PLXNB2: variants seen among roughly 807,000 people sequenced by gnomAD.
The protein encoded by PLXNB2 is plexin-B2.
In PLXNB2, 85 loss-of-function variants were observed where a neutral mutation model predicts 202.6. The ratio of observed to expected loss-of-function variants is 0.42; its 90% CI spans 0.35 to 0.50. The LOEUF (loss-of-function observed/expected upper bound fraction) is 0.50, where lower values mean the gene tolerates loss of function less well. Among genes scored for constraint, PLXNB2 ranks in the 20% least tolerant of loss-of-function variants. The pLI is 0.02. For synonymous variants in PLXNB2, 1,239 were observed against 1,137.6 expected (o/e 1.09, Z -1.79); for missense variants, 2,063 against 2,586.2 (o/e 0.80, Z 4.39).
rs1416634207 is a variant in PLXNB2 at position 50,275,444 on chromosome 22, C to T, written c.*260G>A. 4.9e-6 allele frequency: 3 copies of T among 608,922 alleles called. No individual in the cohort carries two copies. The highest frequency in any genetic ancestry group is 2.1e-5 in the Admixed American group (1 of 46,728). The allele number at this position is 608,922 out of a possible 1,614,324, so 37.7% of individuals were successfully genotyped here. On this transcript the variant is annotated 3_prime_UTR_variant, in exon 37 of 37. Coordinates refer to ENST00000359337, the MANE Select transcript of PLXNB2 (RefSeq NM_012401.4). ...GCACATTTTCAAATCACTGGAGACT[C>T]GACAGTGAACACCCGATGCTGGTTC...
At chr22:50,293,577 G>A (rs1483772379) in intron 2 of PLXNB2, among the ~76,000 whole-genome samples, 1 of 152,232 alleles carries the variant, frequency 6.6e-6, no homozygotes, top group African/African-American at 2.4e-5. Flanking sequence ...TCAGCCAGGC[G>A]CAGCTCCCGG....
At chr22:50,279,113 A>G in intron 27 of PLXNB2, 102 bp from the exon 28 acceptor site, 1 of 1,288,814 alleles carries the variant, frequency 7.8e-7, no homozygotes, top group Non-Finnish European at 1.1e-6. Flanking sequence ...CCACAGCGGC[A>G]CCCTTGGGCA....
intron 22 of PLXNB2, 59 bp from the exon 23 acceptor site, chr22:50,281,248 T>G (rs988655345): frequency 1.6e-5 from 25 of 1,537,880 alleles, no homozygotes; most frequent in Non-Finnish European, 2.2e-5. Context: ...GCTGCCCGGA[T>G]GAGGAGGTGG....
intron 2 of PLXNB2, among the ~76,000 whole-genome samples, chr22:50,294,175 T>C (rs553604655): frequency 1.2e-3 from 181 of 152,366 alleles, no homozygotes; most frequent in African/African-American, 3.9e-3. Flanking sequence ...ACTTCCTGTT[T>C]TGAAGCCCTC....
intron 1 of PLXNB2, among the ~76,000 whole-genome samples, chr22:50,304,060 G>A (rs1659763928): frequency 6.6e-6 from 1 of 152,318 alleles, no homozygotes; most frequent in Non-Finnish European, 1.5e-5. Flanking sequence ...CAACCATAGC[G>A]GGCCACGGTG....
rs772060808 is a variant in PLXNB2 at position 50,284,618 on chromosome 22, C to T, written c.2136G>A (p.Pro712=). ...VGSDLLKFME[P]VTMQESGTFA... ...AGGTCCCAGATTCCTGCATGGTCACCGGCTCCATGAACTTGAGCAAGTCAC... is the reference window on the plus strand; with the variant it reads ...AGGTCCCAGATTCCTGCATGGTCACTGGCTCCATGAACTTGAGCAAGTCAC... The change falls in exon 12 of 37, where the codon CCG becomes CCA. Residue 712 remains proline, a synonymous_variant. Coordinates refer to ENST00000359337, the MANE Select transcript of PLXNB2 (RefSeq NM_012401.4). This position sits in a 1 kb window ranked among gnomAD's most constrained non-coding sequence, Gnocchi z 8.0. The T allele has an allele frequency of 1.5e-5, 24 of 1,612,632 alleles. No individual in the cohort carries two copies. Among genetic ancestry groups the T allele is most frequent in the Middle Eastern group, 1.7e-4 (1 of 6,058 alleles).
rs1259523188 is a variant in PLXNB2, at chr22:50,280,614, G to A, written c.4050C>T (p.Phe1350=). 23 of 1,612,594 alleles carry A rather than the reference G, an allele frequency of 1.4e-5. No individual in the cohort carries two copies. The highest frequency in any genetic ancestry group is 2.2e-5 in the East Asian group (1 of 44,890). Residue 1350 remains phenylalanine (F), a synonymous_variant, in exon 25 of 37, where the codon TTC becomes TTT. Transcript: ENST00000359337. ...REFSARAKVY[F]ASLLTVALHG... is the part of the protein sequence containing the mutation. The stretch of plus-strand genomic sequence containing the variant: ...GCAGCGCCACCGTCAGCAGGGACGC[G>A]AAGTAGACCTTGGCGCGGGCCGAGA...
At position 50,275,937 on chromosome 22, in the gene PLXNB2, G is replaced by C. The variant is rs766637848; in HGVS notation, c.5364C>G (p.Leu1788=). 5.0e-6 allele frequency: 8 copies of C among 1,612,642 alleles called. No individual in the cohort carries two copies. The highest frequency in any genetic ancestry group is 6.8e-6 in the Non-Finnish European group (8 of 1,179,860). Residue 1788 remains leucine, a synonymous_variant, in exon 36 of 37, where the codon CTC becomes CTG. Coordinates refer to ENST00000359337, the MANE Select transcript of PLXNB2 (RefSeq NM_012401.4). Reference sequence around the variant, plus strand: ...ATTGGTAGAGCTGGTGGAGTGCCACGAGGGTGTTCAAGGAGTCCGTGTGCG... The same window carrying C: ...ATTGGTAGAGCTGGTGGAGTGCCACCAGGGTGTTCAAGGAGTCCGTGTGCG... ...SRAHTDSLNT[L]VALHQLYQYT... is the part of the protein sequence containing the mutation.
chr22:50,287,088 G>A (rs780315496), intron 8 of PLXNB2, 23 bp downstream of exon 8: 67 of 1,478,100 alleles, frequency 4.5e-5, no homozygotes, highest in South Asian at 3.8e-4. Context: ...AGGGCCACCC[G>A]GGGGCTCGGG....
In PLXNB2 at chr22:50,283,737, G is replaced by A. The variant is rs772065446; in HGVS notation, c.2435C>T (p.Thr812Met). Residue 812 changes from threonine to methionine, a missense_variant, in exon 15 of 37, where the codon ACG becomes ATG. Around this residue, in one of 2 missense-constraint regions of PLXNB2, gnomAD observed 1,303 missense variants for 1,476.8 expected, o/e 0.88. Coordinates refer to ENST00000359337, the MANE Select transcript of PLXNB2 (RefSeq NM_012401.4). ...GCGGATGCCCCCACCCAGGGGGCCC[G>A]TCTCAGGCTGGATCTGAAACCACAG... ...PPVITRIQPE[T>M]GPLGGGIRIT... 18 of 1,613,128 alleles carry A rather than the reference G, an allele frequency of 1.1e-5. No homozygotes were observed. Among genetic ancestry groups the A allele is most frequent in the East Asian group, 6.7e-5 (3 of 44,876 alleles).
At chr22:50,294,387 C>A (rs1390599850) in intron 2 of PLXNB2, among the ~76,000 whole-genome samples, 3 of 151,682 alleles carry the variant, frequency 2.0e-5, no homozygotes, top group Non-Finnish European at 4.4e-5. Context: ...CAGGCACCCC[C>A]CCACCACACC....
intron 2 of PLXNB2, among the ~76,000 whole-genome samples, chr22:50,293,791 C>T (rs2067064059): frequency 1.3e-5 from 2 of 152,210 alleles, no homozygotes; most frequent in Admixed American, 1.3e-4. Context: ...AGGGAAGACA[C>T]TCACCCACCC....
At chr22:50,298,944 C>G (rs925565059) in intron 1 of PLXNB2, among the ~76,000 whole-genome samples, 6 of 152,260 alleles carry the variant, frequency 3.9e-5, no homozygotes, top group African/African-American at 1.4e-4. Flanking sequence ...CCACACCCAG[C>G]CAGACTGACC....
intron 2 of PLXNB2, among the ~76,000 whole-genome samples, chr22:50,290,948 G>A (rs2066827338): frequency 6.6e-6 from 1 of 152,162 alleles, no homozygotes; most frequent in South Asian, 2.1e-4. Context: ...TCACATTCAT[G>A]CCCCCTGACC....
intron 1 of PLXNB2, among the ~76,000 whole-genome samples, chr22:50,296,231 A>ACACACAC (rs1420758828): frequency 1.6e-5 from 1 of 63,588 alleles, no homozygotes; most frequent in Non-Finnish European, 3.4e-5. Flanking sequence ...CACACACACA[A>ACACACAC]TAAAAAAGTT....
intron 8 of PLXNB2, 71 bp from the exon 9 acceptor site, chr22:50,286,358 G>GAGTCAGCCCCAGGGGA: frequency 4.5e-6 from 5 of 1,113,482 alleles, no homozygotes; most frequent in Non-Finnish European, 6.8e-6. Context: ...GCCTCCCCTG[G>GAGTCAGCCCCAGGGGA]GGCTGACTCC....
In PLXNB2 at chr22:50,275,491, C is replaced by A; in HGVS notation, c.*213G>T. The A allele has an allele frequency of 1.5e-6, 1 of 669,758 alleles. No individual in the cohort carries two copies. Among genetic ancestry groups the A allele is most frequent in the South Asian group, 1.5e-5 (1 of 66,038 alleles). The allele number at this position is 669,758 out of a possible 1,614,324, so 41.5% of individuals were successfully genotyped here. A position where few individuals can be genotyped will look rare whatever the true frequency, so the allele number is the denominator to read the frequency against. ...GTTCTGCGGCCGGAGGGAGCTGGGGCTGGGGCTGGTGCTGGTGCGGTGCCC... is the reference window on the plus strand; with the variant it reads ...GTTCTGCGGCCGGAGGGAGCTGGGGATGGGGCTGGTGCTGGTGCGGTGCCC... On this transcript the variant is annotated 3_prime_UTR_variant, in exon 37 of 37. Transcript: ENST00000359337.
In PLXNB2 at chr22:50,289,664, G is replaced by A. The variant is rs372538418; in HGVS notation, c.921C>T (p.Pro307=). ...GCGGGAACAGGCAGAGGCCCGCACC[G>A]GGCCCCCCACTGCTCCGGCTGTCTC... ...FSRDSRSSGG[P]GAGLCLFPLD... Residue 307 remains proline, a synonymous_variant, in exon 3 of 37, where the codon CCC becomes CCT. Transcript: ENST00000359337. The surrounding 1 kb of genome is among the most constrained non-coding windows in gnomAD (Gnocchi z 8.0). 37 of 1,609,710 alleles carry A rather than the reference G, an allele frequency of 2.3e-5. No individual in the cohort carries two copies. The highest frequency in any genetic ancestry group is 4.5e-5 in the East Asian group (2 of 44,896).
rs776823804 is a variant in PLXNB2, at chr22:50,280,552, G to A, written c.4112C>T (p.Thr1371Met). ...CTGCTCCAGGAGCTCCAGGAAGAGC[G>A]TGTGCATGATGTCCGTGTAGTACTC... ...KLEYYTDIMH[T>M]LFLELLEQYV... is the part of the protein sequence containing the mutation. Residue 1371 changes from threonine to methionine, a missense_variant, in exon 25 of 37, where the codon ACG (threonine) becomes ATG (methionine). Around this residue, in one of 2 missense-constraint regions of PLXNB2, gnomAD observed 760 missense variants for 1,109.4 expected, o/e 0.69. Coordinates refer to ENST00000359337, the MANE Select transcript of PLXNB2 (RefSeq NM_012401.4). 4 of 1,612,030 alleles carry A rather than the reference G, an allele frequency of 2.5e-6. No individual in the cohort carries two copies. The highest frequency in any genetic ancestry group is 1.1e-5 in the South Asian group (1 of 91,086).
Sources: allele counts gnomAD v4.1 joint callset (sites outside exome capture counted in the v4.1 genomes callset), GRCh38; gene constraint gnomAD v4.1.1; regional missense constraint gnomAD v4.1.1; non-coding constraint Gnocchi (gnomAD v3.1); transcripts MANE v1.5; gene names NCBI Gene and HGNC (gene_info 2026-07-23, HGNC 2026-07-21).